Variants in CNTNAP4 observed in about 807,000 individuals in gnomAD.
CNTNAP4 encodes the protein contactin-associated protein-like 4.
In CNTNAP4, 98 loss-of-function variants were observed where a neutral mutation model predicts 148.4. The observed-to-expected ratio is 0.66, with a 90% CI of 0.56 to 0.78. The LOEUF is 0.78. CNTNAP4 is among the 30% of genes least tolerant of loss of function. The pLI, the probability that CNTNAP4 is intolerant of heterozygous loss-of-function variation, is 0.00. For synonymous variants in CNTNAP4, 730 were observed against 565.1 expected (o/e 1.29, Z -4.14); for missense variants, 1,935 against 1,565.6 (o/e 1.24, Z -3.98).
At chr16:76,377,265 C>T (rs919615285) in intron 3 of CNTNAP4, among the ~76,000 whole-genome samples, 2 of 151,990 alleles carry the variant, frequency 1.3e-5, no homozygotes, top group Non-Finnish European at 2.9e-5. Context: ...TTTAAAAATA[C>T]CTTTAAAGAA....
In CNTNAP4 at chr16:76,448,150, G is replaced by A. The variant is rs781637069; in HGVS notation, c.677G>A (p.Gly226Glu). 1 of 1,613,462 alleles carries A rather than the reference G, an allele frequency of 6.2e-7. No homozygotes were observed. The highest frequency in any genetic ancestry group is 8.5e-7 in the Non-Finnish European group (1 of 1,179,524). ...QSDGILLHRE[G>E]PNGDHITLQL... ...GATGGGATTCTACTCCACAGGGAAG[G>A]GCCAAATGGAGATCACATCACACTG... Residue 226 changes from glycine (G) to glutamate (E), a missense_variant, in exon 5 of 24, where the codon GGG becomes GAG. Coordinates refer to ENST00000611870, the MANE Select transcript of CNTNAP4 (RefSeq NM_033401.5).
rs142568753 is a variant in CNTNAP4 at position 76,464,404 on chromosome 16, C to T, written c.1483+2299C>T. 7.2e-5 allele frequency among the ~76,000 whole-genome samples: 11 copies of T among 152,248 alleles called. No homozygotes were observed. In the East Asian group the frequency reaches 1.5e-3, roughly 21 times the overall value. ...TCAACTCTTGCCAACTTTAGCTGAA[C>T]GACCTTCATCCTGGGAACAACCTCC... is the stretch of plus-strand genomic sequence containing the variant. On this transcript the variant is annotated intron_variant, in intron 9 of 23. Coordinates refer to ENST00000611870, the MANE Select transcript of CNTNAP4 (RefSeq NM_033401.5).
intron 3 of CNTNAP4, among the ~76,000 whole-genome samples, chr16:76,407,861 A>G (rs1337798165): frequency 1.3e-5 from 2 of 152,120 alleles, no homozygotes; most frequent in African/African-American, 4.8e-5. Context: ...ATCAAATGGC[A>G]TCACATGCTA....
At chr16:76,484,275 GAAA>G (rs10622949) in intron 12 of CNTNAP4, among the ~76,000 whole-genome samples, 31 of 71,226 alleles carry the variant, frequency 4.4e-4, no homozygotes, top group Non-Finnish European at 5.0e-4. Flanking sequence ...GGAGAGAAAT[GAAA>G]AAAAAAAAAA....
rs773188989 is a variant in CNTNAP4, at chr16:76,558,810, T to C, written c.*127T>C. On this transcript the variant is annotated 3_prime_UTR_variant, in exon 24 of 24. Transcript: ENST00000611870. The stretch of plus-strand genomic sequence containing the variant: ...GGCTTGCAGCACTGCCATCTTGCCA[T>C]GTACAGGCTTGGGGTGGCTCCAGGA... The C allele has an allele frequency of 1.5e-6, 1 of 669,168 alleles. No homozygotes were observed. The highest frequency in any genetic ancestry group is 2.5e-6 in the Non-Finnish European group (1 of 406,604). The allele number at this position is 669,168 out of a possible 1,614,324, so 41.5% of individuals were successfully genotyped here. A position where few individuals can be genotyped will look rare whatever the true frequency, so the allele number is the denominator to read the frequency against.
At chr16:76,380,083 C>T (rs1036023380) in intron 3 of CNTNAP4, among the ~76,000 whole-genome samples, 18 of 152,108 alleles carry the variant, frequency 1.2e-4, no homozygotes, top group African/African-American at 3.4e-4. Context: ...TCAGATAAAA[C>T]GCAAGTCTGT....
chr16:76,333,177 C>A (rs1455447095), intron 2 of CNTNAP4, among the ~76,000 whole-genome samples: 1 of 152,188 alleles, frequency 6.6e-6, no homozygotes, highest in Non-Finnish European at 1.5e-5. Context: ...GTCCCCAGGT[C>A]AGGTCGTGCC....
chr16:76,543,575 GAGAA>G (rs2084554457), intron 21 of CNTNAP4, among the ~76,000 whole-genome samples: 1 of 152,224 alleles, frequency 6.6e-6, no homozygotes, highest in African/African-American at 2.4e-5. Flanking sequence ...TACAGGGATG[GAGAA>G]AGAGAGGGAA....
Position 76,539,720 on chromosome 16 carries a change from A to C in CNTNAP4, c.3222A>C (p.Gly1074=). 7.5e-6 allele frequency: 12 copies of C among 1,591,340 alleles called. No individual in the cohort carries two copies. The highest frequency in any genetic ancestry group is 9.4e-6 in the Non-Finnish European group (11 of 1,173,086). The change falls in exon 20 of 24, where the codon GGA becomes GGC. Residue 1074 remains glycine (G), a splice_region_variant and synonymous_variant. Coordinates refer to ENST00000611870, the MANE Select transcript of CNTNAP4 (RefSeq NM_033401.5). The stretch of plus-strand genomic sequence containing the variant: ...AATCACAATTTTTCCCCACTCTAGG[A>C]AGTTTGCAGATCAGGTACAAGTTAA... The part of the protein sequence containing the change: ...EYLSVIIAKN[G]SLQIRYKLNK...
chr16:76,422,822 C>G (rs1285657894), intron 3 of CNTNAP4, among the ~76,000 whole-genome samples: 1 of 152,192 alleles, frequency 6.6e-6, no homozygotes, highest in Non-Finnish European at 1.5e-5. Flanking sequence ...GAGCCCCTAA[C>G]TTTCATGTTG....
intron 21 of CNTNAP4, among the ~76,000 whole-genome samples, chr16:76,542,615 G>A (rs944043888): frequency 6.6e-6 from 1 of 152,128 alleles, no homozygotes; most frequent in African/African-American, 2.4e-5. Context: ...ATAGGGTGGA[G>A]CCCCAACCTC....
chr16:76,353,462 C>T (rs1028956277), intron 2 of CNTNAP4, among the ~76,000 whole-genome samples: 3 of 152,184 alleles, frequency 2.0e-5, no homozygotes, highest in Non-Finnish European at 4.4e-5. Context: ...CAGGACTGGT[C>T]ACTTTCCTTT....
rs963499723 is a variant in CNTNAP4 at position 76,559,413 on chromosome 16, A to T, written c.*730A>T. ...ATGTAATGTCTTTCCTTTTAAAAAAAGTTTTCCAATTAATTTGCTACCATT... is the reference window on the plus strand; with the variant it reads ...ATGTAATGTCTTTCCTTTTAAAAAATGTTTTCCAATTAATTTGCTACCATT... On this transcript the variant is annotated 3_prime_UTR_variant, in exon 24 of 24. Transcript: ENST00000611870. 6.6e-6 allele frequency among the ~76,000 whole-genome samples: 1 copy of T among 152,034 alleles called. No homozygotes were observed. The highest frequency in any genetic ancestry group is 2.4e-5 in the African/African-American group (1 of 41,454).
intron 13 of CNTNAP4, among the ~76,000 whole-genome samples, chr16:76,492,364 A>G (rs1381470688): frequency 6.6e-6 from 1 of 152,210 alleles, no homozygotes; most frequent in East Asian, 1.9e-4. Context: ...TGCACACCTT[A>G]AATGTGTACA....
chr16:76,501,267 C>T (rs1024976199), intron 15 of CNTNAP4, among the ~76,000 whole-genome samples: 2 of 152,272 alleles, frequency 1.3e-5, no homozygotes, highest in South Asian at 4.1e-4. Flanking sequence ...GAGAGTGTAA[C>T]GATTTTTCAT....
In CNTNAP4 at chr16:76,416,070, T is replaced by C. The variant is rs143717464; in HGVS notation, c.391-11382T>C. ...CCTTAACTCATTTATCTTCTGCCTT[T>C]CTTCTTCTGATATCCATGGGCTCAA... On this transcript the variant is annotated intron_variant, in intron 3 of 23. Transcript: ENST00000611870. Among the ~76,000 whole-genome samples the C allele has an allele frequency of 2.5e-3, 383 of 151,336 alleles. 1 individual carries two copies. Among genetic ancestry groups the C allele is most frequent in the African/African-American group, 8.7e-3 (361 of 41,440 alleles).
chr16:76,294,151 G>A (rs947693114), intron 1 of CNTNAP4, among the ~76,000 whole-genome samples: 4 of 152,128 alleles, frequency 2.6e-5, no homozygotes, highest in Non-Finnish European at 4.4e-5. Context: ...TCTTCTTCCA[G>A]TCAGGGTGGT....
chr16:76,352,191 G>A (rs140926349), intron 2 of CNTNAP4, among the ~76,000 whole-genome samples: 108 of 152,270 alleles, frequency 7.1e-4, no homozygotes, highest in African/African-American at 2.5e-3. Context: ...GTAGCAATAA[G>A]AGAATTCAAG....
chr16:76,383,077 T>C (rs887884847), intron 3 of CNTNAP4, among the ~76,000 whole-genome samples: 1 of 151,350 alleles, frequency 6.6e-6, no homozygotes, highest in African/African-American at 2.4e-5. Context: ...GTCTGAACAT[T>C]GGTTTGTAAA....
Sources: gnomAD v4.1 joint callset for allele counts (sites outside exome capture counted in the v4.1 genomes callset) on GRCh38, gnomAD v4.1.1 for gene constraint, MANE v1.5 for transcripts, NCBI Gene and HGNC (gene_info 2026-07-23, HGNC 2026-07-21) for gene names.